TLX1: variants seen among roughly 807,000 people sequenced by gnomAD.
TLX1 encodes the protein T-cell leukemia homeobox protein 1.
Under a neutral mutation model 26.5 loss-of-function variants are expected in TLX1, and 6 were observed. That is an observed-to-expected ratio of 0.23 (90% CI 0.12 to 0.45). The LOEUF (loss-of-function observed/expected upper bound fraction) is 0.45, where lower values mean the gene tolerates loss of function less well. TLX1 is among the 20% of genes least tolerant of loss of function. The pLI is 0.99. For missense variants in TLX1, 418 were observed against 482.6 expected, an observed-to-expected ratio of 0.87 and a Z score of 1.25; for synonymous variants, 217 against 219.7, an observed-to-expected ratio of 0.99 and a Z score of 0.11.
Position 101,132,031 on chromosome 10 carries a change from C to T in TLX1, c.490C>T (p.Pro164Ser). Residue 164 changes from proline to serine, a missense_variant, in exon 1 of 3, where the codon CCG (proline) becomes TCG (serine). Pro to Ser is a moderately conservative substitution (Grantham distance 74, BLOSUM62 -1). This residue lies in a region of TLX1 where 322 missense variants were observed against 344.6 expected (regional missense o/e 0.93). Coordinates refer to ENST00000370196, the MANE Select transcript of TLX1 (RefSeq NM_005521.4). This position sits in a 1 kb window ranked among gnomAD's most constrained non-coding sequence, Gnocchi z 4.1. Reference sequence around the variant, plus strand: ...CACCGTGCCCTCTGTGCCTGCCATGCCGGGCGTCAACAACCTCACTGGCCT... The same window carrying T: ...CACCGTGCCCTCTGTGCCTGCCATGTCGGGCGTCAACAACCTCACTGGCCT... ...LPTVPSVPAM[P>S]GVNNLTGLTF... 6.6e-7 allele frequency: 1 copy of T among 1,518,000 alleles called. No homozygotes were observed. The highest frequency in any genetic ancestry group is 1.2e-5 in the South Asian group (1 of 80,508). The allele number at this position is 1,518,000 out of a possible 1,614,324, so 94.0% of individuals were successfully genotyped here. A position where few individuals can be genotyped will look rare whatever the true frequency, so the allele number is the denominator to read the frequency against.
Position 101,137,113 on chromosome 10 carries a change from GC to G in TLX1, c.*206del. 1 of 655,684 alleles carries G rather than the reference GC, an allele frequency of 1.5e-6. No homozygotes were observed. The highest frequency in any genetic ancestry group is 2.8e-5 in the East Asian group (1 of 36,334). 40.6% of individuals were successfully genotyped at this position (655,684 alleles called of 1,614,324 possible). ...AAGAGCTCAAGGGACAAGGACACGC[GC>G]CCCCCTCCCAGAGGCGTCCCGCACC... On this transcript the variant is annotated 3_prime_UTR_variant, in exon 3 of 3. Coordinates refer to ENST00000370196, the MANE Select transcript of TLX1 (RefSeq NM_005521.4).
intron 2 of TLX1, 101 bp downstream of exon 2, chr10:101,134,477 G>A: frequency 7.6e-7 from 1 of 1,311,282 alleles, no homozygotes; most frequent in South Asian, 1.5e-5. Context: ...TTCCGCTCGC[G>A]GTTTCTGATC....
intron 2 of TLX1, among the ~76,000 whole-genome samples, chr10:101,136,139 G>A (rs1940289499): frequency 6.6e-6 from 1 of 152,244 alleles, no homozygotes; most frequent in Non-Finnish European, 1.5e-5. Flanking sequence ...CTGCCTCAGA[G>A]GAAGCCAGTG....
rs1203664640 is a variant in TLX1 at position 101,137,486 on chromosome 10, C to G, written c.*573C>G. 3 of 239,328 alleles carry G rather than the reference C, an allele frequency of 1.3e-5. No homozygotes were observed. Among genetic ancestry groups the G allele is most frequent in the East Asian group, 1.2e-4 (2 of 16,780 alleles). The allele number at this position is 239,328 out of a possible 1,614,324, so 14.8% of individuals were successfully genotyped here. A position where few individuals can be genotyped will look rare whatever the true frequency, so the allele number is the denominator to read the frequency against. ...AGGGGTGACACAGACTCATCCTGAA[C>G]AGCATGGCACTCCCTCCAGCACAAA... On this transcript the variant is annotated 3_prime_UTR_variant, in exon 3 of 3. Coordinates refer to ENST00000370196, the MANE Select transcript of TLX1 (RefSeq NM_005521.4).
At chr10:101,134,060 G>A (rs893728878) in intron 1 of TLX1, 115 bp from the exon 2 acceptor site, 2 of 981,410 alleles carry the variant, frequency 2.0e-6, no homozygotes, top group South Asian at 1.6e-5. Flanking sequence ...TGCGCTCGCT[G>A]ACTCGCGGGG....
At position 101,136,738 on chromosome 10, in the gene TLX1, G is replaced by T. The variant is rs1940302611; in HGVS notation, c.818G>T (p.Arg273Leu). Residue 273 changes from arginine to leucine, a missense_variant, in exon 3 of 3, where the codon CGC becomes CTC. Coordinates refer to ENST00000370196, the MANE Select transcript of TLX1 (RefSeq NM_005521.4). ...EREAERQQANRILLQLQQEAF... is the reference protein window; with the variant it reads ...EREAERQQANLILLQLQQEAF... ...GAGGCCGAGAGGCAGCAAGCGAACC[G>T]CATCCTCCTGCAGTTGCAGCAGGAG... 4.3e-6 allele frequency: 7 copies of T among 1,613,138 alleles called. No individual in the cohort carries two copies. In the East Asian group the frequency reaches 1.1e-4, roughly 26 times the overall value.
chr10:101,134,041 T>C (rs1590128397), intron 1 of TLX1, 134 bp from the exon 2 acceptor site: 2 of 813,812 alleles, frequency 2.5e-6, no homozygotes, highest in South Asian at 3.6e-5. Context: ...CTCGTGGGGG[T>C]TCAGCTGCTG....
chr10:101,131,909 C>T lies in TLX1; in HGVS notation c.368C>T (p.Ala123Val), dbSNP rs1196496094. The T allele has an allele frequency of 1.9e-5, 26 of 1,397,326 alleles. No homozygotes were observed. Among genetic ancestry groups the T allele is most frequent in the Non-Finnish European group, 2.3e-5 (25 of 1,084,084 alleles). 86.6% of individuals were successfully genotyped at this position (1,397,326 alleles called of 1,614,324 possible). ...PGGGGGSSGG[A>V]GALSAAGVIR... ...GGCGGCGGCGGCAGCAGCGGCGGTG[C>T]CGGGGCACTCAGCGCTGCGGGGGTA... Residue 123 changes from alanine to valine, a missense_variant, in exon 1 of 3, where the codon GCC becomes GTC. Physicochemically the swap from Ala to Val is moderately conservative, Grantham distance 64. This residue lies in a region of TLX1 where 322 missense variants were observed against 344.6 expected (regional missense o/e 0.93). Coordinates refer to ENST00000370196, the MANE Select transcript of TLX1 (RefSeq NM_005521.4).
In TLX1 at chr10:101,131,482, C is replaced by T; in HGVS notation, c.-60C>T. The T allele has an allele frequency of 7.5e-7, 1 of 1,340,596 alleles. No homozygotes were observed. Among genetic ancestry groups the T allele is most frequent in the Non-Finnish European group, 9.7e-7 (1 of 1,035,866 alleles). 83.0% of individuals were successfully genotyped at this position (1,340,596 alleles called of 1,614,324 possible). A position where few individuals can be genotyped will look rare whatever the true frequency, so the allele number is the denominator to read the frequency against. On this transcript the variant is annotated 5_prime_UTR_variant, in exon 1 of 3. Coordinates refer to ENST00000370196, the MANE Select transcript of TLX1 (RefSeq NM_005521.4). ...TTGCCTCCCAGCCCCTGCTAGCTGC[C>T]CCCCGAGCCGAGCGCAGCGAGCGCC...
At chr10:101,134,127 C>T (rs1455694052) in intron 1 of TLX1, 48 bp from the exon 2 acceptor site, 4 of 1,524,560 alleles carry the variant, frequency 2.6e-6, no homozygotes, top group African/African-American at 1.4e-5. Flanking sequence ...GTCTGTCTGT[C>T]TCCCGCTCCA....
chr10:101,135,188 C>G (rs1313720436), intron 2 of TLX1, among the ~76,000 whole-genome samples: 1 of 151,942 alleles, frequency 6.6e-6, no homozygotes, highest in Non-Finnish European at 1.5e-5. Flanking sequence ...CACCCTCTGG[C>G]ACGCTGCACC....
At position 101,137,054 on chromosome 10, in the gene TLX1, C is replaced by G. The variant is rs996190840; in HGVS notation, c.*141C>G. 1.8e-6 allele frequency: 2 copies of G among 1,105,684 alleles called. No homozygotes were observed. Among genetic ancestry groups the G allele is most frequent in the Non-Finnish European group, 2.5e-6 (2 of 793,966 alleles). 68.5% of individuals were successfully genotyped at this position (1,105,684 alleles called of 1,614,324 possible). A position where few individuals can be genotyped will look rare whatever the true frequency, so the allele number is the denominator to read the frequency against. Reference sequence around the variant, plus strand: ...CCCTCGCACGGCCCCGAAGGGCCCCCACATTTGTGCCGACACTGTTCTCCC... The same window carrying G: ...CCCTCGCACGGCCCCGAAGGGCCCCGACATTTGTGCCGACACTGTTCTCCC... On this transcript the variant is annotated 3_prime_UTR_variant, in exon 3 of 3. Coordinates refer to ENST00000370196, the MANE Select transcript of TLX1 (RefSeq NM_005521.4).
intron 2 of TLX1, among the ~76,000 whole-genome samples, chr10:101,135,729 TAA>T (rs1451583416): frequency 6.6e-6 from 1 of 152,140 alleles, no homozygotes; most frequent in Non-Finnish European, 1.5e-5. Flanking sequence ...TTATGTATAA[TAA>T]AGAAAAAGCA....
At position 101,134,343 on chromosome 10, in the gene TLX1, A is replaced by T; in HGVS notation, c.737A>T (p.Lys246Ile). The T allele has an allele frequency of 6.2e-7, 1 of 1,605,442 alleles. No homozygotes were observed. The highest frequency in any genetic ancestry group is 8.5e-7 in the Non-Finnish European group (1 of 1,177,028). The change falls in exon 2 of 3, where the codon AAA becomes ATA. Residue 246 changes from lysine to isoleucine, a missense_variant. Physicochemically the swap from Lys to Ile is moderately radical, Grantham distance 102. Transcript: ENST00000370196. ...KALKMTDAQV[K>I]TWFQNRRTKW... ...CTCAAAATGACCGATGCGCAGGTCAAAACCTGGTTCCAGAACCGGCGGACA... is the reference window on the plus strand; with the variant it reads ...CTCAAAATGACCGATGCGCAGGTCATAACCTGGTTCCAGAACCGGCGGACA...
chr10:101,136,882 G>C lies in TLX1; in HGVS notation c.962G>C (p.Ser321Thr). The change falls in exon 3 of 3, where the codon AGC (serine) becomes ACC (threonine). Residue 321 changes from serine to threonine, a missense_variant. Transcript: ENST00000370196. ...TCTGACGACTCGACCAAAATCACTA[G>C]CGTCACGTCGGTGGCGTCGGCCTGC... is the stretch of plus-strand genomic sequence containing the variant. ...PWSDDSTKIT[S>T]VTSVASACE is the part of the protein sequence containing the mutation. 1 of 1,613,740 alleles carries C rather than the reference G, an allele frequency of 6.2e-7. No homozygotes were observed. The highest frequency in any genetic ancestry group is 8.5e-7 in the Non-Finnish European group (1 of 1,180,022).
chr10:101,131,804 G>C lies in TLX1; in HGVS notation c.263G>C (p.Gly88Ala). ...GGCGGCCCCGGAGGCCCGGCAGGCG[G>C]CGGCGGCGCCTGCAGCATGGGTCCT... ...GPGGPGGPAG[G>A]GGACSMGPLT... is the part of the protein sequence containing the mutation. Residue 88 changes from glycine (G) to alanine (A), a missense_variant, in exon 1 of 3, where the codon GGC becomes GCC. Gly to Ala is a moderately conservative substitution (Grantham distance 60). This residue lies in a region of TLX1 where 322 missense variants were observed against 344.6 expected (regional missense o/e 0.93). Transcript: ENST00000370196. 7.2e-7 allele frequency: 1 copy of C among 1,389,098 alleles called. No individual in the cohort carries two copies. 86.0% of individuals were successfully genotyped at this position (1,389,098 alleles called of 1,614,324 possible).
rs372550407 is a variant in TLX1 at position 101,131,598 on chromosome 10, C to T, written c.57C>T (p.Phe19=). Residue 19 remains phenylalanine (F), a synonymous_variant, in exon 1 of 3, where the codon TTC becomes TTT. Transcript: ENST00000370196. The part of the protein sequence containing the change: ...LHPGHAEPIS[F]GIDQILNSPD... Reference sequence around the variant, plus strand: ...CGGGTCACGCAGAGCCCATTAGCTTCGGCATCGACCAGATCCTCAACAGCC... The same window carrying T: ...CGGGTCACGCAGAGCCCATTAGCTTTGGCATCGACCAGATCCTCAACAGCC... 13 of 1,563,746 alleles carry T rather than the reference C, an allele frequency of 8.3e-6. No individual in the cohort carries two copies. Among genetic ancestry groups the T allele is most frequent in the Non-Finnish European group, 1.1e-5 (13 of 1,158,152 alleles).
Position 101,137,010 on chromosome 10 carries a change from A to G in TLX1, c.*97A>G. The G allele has an allele frequency of 6.8e-7, 1 of 1,463,206 alleles. No individual in the cohort carries two copies. Among genetic ancestry groups the G allele is most frequent in the Non-Finnish European group, 9.2e-7 (1 of 1,084,326 alleles). The allele number at this position is 1,463,206 out of a possible 1,614,324, so 90.6% of individuals were successfully genotyped here. ...CCCCACCCTCCTGGCCTCAGACTGCACCCAGGAGGGGAACACTGCCCTCGC... is the reference window on the plus strand; with the variant it reads ...CCCCACCCTCCTGGCCTCAGACTGCGCCCAGGAGGGGAACACTGCCCTCGC... On this transcript the variant is annotated 3_prime_UTR_variant, in exon 3 of 3. Transcript: ENST00000370196.
intron 2 of TLX1, 23 bp downstream of exon 2, chr10:101,134,399 C>T (rs370390939): frequency 7.9e-6 from 12 of 1,528,520 alleles, no homozygotes; most frequent in Middle Eastern, 1.7e-4. Flanking sequence ...GGCGGGCCGG[C>T]CGCCCGCGAG....
Sources: allele counts gnomAD v4.1 joint callset (sites outside exome capture counted in the v4.1 genomes callset), GRCh38; gene constraint gnomAD v4.1.1; regional missense constraint gnomAD v4.1.1; non-coding constraint Gnocchi (gnomAD v3.1); transcripts MANE v1.5; gene names NCBI Gene and HGNC (gene_info 2026-07-23, HGNC 2026-07-21).